Variants in EEF2K observed in about 807,000 individuals in gnomAD.
EEF2K encodes eukaryotic elongation factor 2 kinase.
A neutral mutation model predicts 93.8 loss-of-function variants in EEF2K; 70 were observed. That is an observed-to-expected ratio of 0.75 (90% CI 0.62 to 0.91). The LOEUF (loss-of-function observed/expected upper bound fraction) is 0.91, where lower values mean the gene tolerates loss of function less well. EEF2K is among the 40% of genes least tolerant of loss of function. EEF2K has a pLI of 0.00. For synonymous variants in EEF2K, 376 were observed against 380.8 expected (o/e 0.99, Z 0.15); for missense variants, 935 against 972.9 (o/e 0.96, Z 0.52).
intron 1 of EEF2K, among the ~76,000 whole-genome samples, chr16:22,216,767 G>A (rs935816042): frequency 3.3e-5 from 5 of 152,136 alleles, no homozygotes; most frequent in African/African-American, 9.7e-5. Context: ...ACCTACCAGT[G>A]TAGGGATAGG....
rs2047530734 is a variant in EEF2K, at chr16:22,266,930, G to C, written c.1764+54G>C. 5.2e-6 allele frequency: 8 copies of C among 1,540,516 alleles called. No individual in the cohort carries two copies. In the South Asian group the frequency reaches 9.8e-5, roughly 19 times the overall value. On this transcript the variant is annotated intron_variant, in intron 15 of 17. Transcript: ENST00000263026. ...GGTGGGGGTGGGACTTGGTCACCCTGTGGTTCACCTGCCTCCCATCCTGGA... is the reference window on the plus strand; with the variant it reads ...GGTGGGGGTGGGACTTGGTCACCCTCTGGTTCACCTGCCTCCCATCCTGGA...
At chr16:22,226,742 C>T (rs1451210440) in intron 2 of EEF2K, among the ~76,000 whole-genome samples, 1 of 152,080 alleles carries the variant, frequency 6.6e-6, no homozygotes, top group Non-Finnish European at 1.5e-5. Context: ...CTACCACGCC[C>T]AGCCACTTGT....
chr16:22,273,651 G>T lies in EEF2K; in HGVS notation c.1790G>T (p.Gly597Val). 6.2e-7 allele frequency: 1 copy of T among 1,614,128 alleles called. No individual in the cohort carries two copies. Among genetic ancestry groups the T allele is most frequent in the Admixed American group, 1.7e-5 (1 of 59,998 alleles). ...LKETEENKTKGFDYLLKAAEA... is the reference protein window; with the variant it reads ...LKETEENKTKVFDYLLKAAEA... ...GAGACAGAAGAGAACAAAACCAAAG[G>T]ATTTGATTACTTACTAAAGGCCGCT... The change falls in exon 16 of 18, where the codon GGA (glycine) becomes GTA (valine). Residue 597 changes from glycine to valine, a missense_variant. Transcript: ENST00000263026.
intron 11 of EEF2K, among the ~76,000 whole-genome samples, chr16:22,261,551 A>G (rs1319244409): frequency 1.3e-5 from 2 of 151,766 alleles, no homozygotes; most frequent in East Asian, 1.9e-4. Context: ...TTAGCCGAGT[A>G]TGGTGGCAGT....
At chr16:22,267,613 G>C (rs1360698205) in intron 15 of EEF2K, among the ~76,000 whole-genome samples, 2 of 151,872 alleles carry the variant, frequency 1.3e-5, no homozygotes, top group Non-Finnish European at 2.9e-5. Context: ...AAAAAAATTG[G>C]GGGGGATATC....
At chr16:22,262,383 G>A (rs1300985638) in intron 11 of EEF2K, among the ~76,000 whole-genome samples, 5 of 152,074 alleles carry the variant, frequency 3.3e-5, no homozygotes, top group Admixed American at 2.0e-4. Context: ...GGTGGCAGGC[G>A]CCTGTAGTCC....
intron 1 of EEF2K, among the ~76,000 whole-genome samples, chr16:22,220,736 C>T (rs554156718): frequency 3.7e-4 from 56 of 152,336 alleles, no homozygotes; most frequent in Admixed American, 5.9e-4. Context: ...TGAGCCATCA[C>T]GCCTGGCCCT....
intron 16 of EEF2K, among the ~76,000 whole-genome samples, chr16:22,279,187 A>C (rs1294535490): frequency 6.6e-6 from 1 of 151,624 alleles, no homozygotes; most frequent in Non-Finnish European, 1.5e-5. Flanking sequence ...CATCTATGGG[A>C]AAATTGTTGT....
intron 2 of EEF2K, among the ~76,000 whole-genome samples, 153 bp downstream of exon 2, chr16:22,226,128 G>A (rs1249740828): frequency 6.6e-6 from 1 of 152,050 alleles, no homozygotes; most frequent in African/African-American, 2.4e-5. Context: ...AGCAGGGAGG[G>A]TATTATTGAT....
At chr16:22,259,751 T>G (rs963832403) in intron 10 of EEF2K, among the ~76,000 whole-genome samples, 3 of 152,006 alleles carry the variant, frequency 2.0e-5, no homozygotes, top group Non-Finnish European at 4.4e-5. Context: ...GGTGTTTTTT[T>G]TTTGTTTGTT....
At chr16:22,254,127 C>T (rs1178818166) in intron 6 of EEF2K, among the ~76,000 whole-genome samples, 10 of 150,536 alleles carry the variant, frequency 6.6e-5, no homozygotes, top group South Asian at 2.1e-4. Context: ...GTAGTAGTAA[C>T]AATAATAATA....
chr16:22,273,147 C>T (rs1196872879), intron 15 of EEF2K, among the ~76,000 whole-genome samples: 1 of 152,212 alleles, frequency 6.6e-6, no homozygotes, highest in East Asian at 1.9e-4. Context: ...AGTGGTACAG[C>T]TCCATGACTG....
intron 1 of EEF2K, among the ~76,000 whole-genome samples, chr16:22,221,491 GCAAGAGCGCATTATA>G (rs2047011101): frequency 6.6e-6 from 1 of 151,758 alleles, no homozygotes; most frequent in African/African-American, 2.4e-5. Context: ...AAAAAAAATA[GCAAGAGCGCATTATA>G]CAAAGTAAGG....
Position 22,225,981 on chromosome 16 carries a change from T to G in EEF2K, c.246+6T>G. 6.2e-7 allele frequency: 1 copy of G among 1,613,346 alleles called. No individual in the cohort carries two copies. The highest frequency in any genetic ancestry group is 8.5e-7 in the Non-Finnish European group (1 of 1,179,402). On this transcript the variant is annotated splice_donor_region_variant and intron_variant, in intron 2 of 17. Transcript: ENST00000263026. Reference sequence around the variant, plus strand: ...CAAACTCCTTCCACTTCAAGGTGAGTGAGCCACCTATTCCACCTTCCCCAC... The same window carrying G: ...CAAACTCCTTCCACTTCAAGGTGAGGGAGCCACCTATTCCACCTTCCCCAC...
At chr16:22,234,778 T>C (rs2047150282) in intron 2 of EEF2K, among the ~76,000 whole-genome samples, 1 of 151,738 alleles carries the variant, frequency 6.6e-6, no homozygotes, top group African/African-American at 2.4e-5. Context: ...TTTCTGCCTC[T>C]CTGGACTTGC....
rs1352497733 is a variant in EEF2K at position 22,271,059 on chromosome 16, T to C, written c.1765-2567T>C. Among the ~76,000 whole-genome samples the C allele has an allele frequency of 3.3e-5, 5 of 150,066 alleles. No individual in the cohort carries two copies. In the Admixed American group the frequency reaches 3.4e-4, roughly 10 times the overall value. Reference sequence around the variant, plus strand: ...ATCTTGGCTCACTGCAACCTCCGCCTCCCAGGTTCAAACGATTCTCCTGCC... The same window carrying C: ...ATCTTGGCTCACTGCAACCTCCGCCCCCCAGGTTCAAACGATTCTCCTGCC... On this transcript the variant is annotated intron_variant, in intron 15 of 17. Coordinates refer to ENST00000263026, the MANE Select transcript of EEF2K (RefSeq NM_013302.5).
chr16:22,238,028 G>A (rs765604611), intron 2 of EEF2K, among the ~76,000 whole-genome samples: 23 of 152,122 alleles, frequency 1.5e-4, no homozygotes, highest in Non-Finnish European at 2.8e-4. Context: ...GGTGGCTCAC[G>A]CCTGTAATCT....
At chr16:22,238,667 GAAAAAAAA>G (rs10708756) in intron 2 of EEF2K, among the ~76,000 whole-genome samples, 1 of 93,472 alleles carries the variant, frequency 1.1e-5, no homozygotes, top group Non-Finnish European at 2.2e-5. Flanking sequence ...AAGAAAAAAG[GAAAAAAAA>G]AAAAAAAAAA....
Position 22,244,731 on chromosome 16 carries a change from G to T in EEF2K, c.347+1G>T. 1 of 1,613,838 alleles carries T rather than the reference G, an allele frequency of 6.2e-7. No homozygotes were observed. The highest frequency in any genetic ancestry group is 2.2e-5 in the East Asian group (1 of 44,880). Reference sequence around the variant, plus strand: ...CCACCGAACGTGCTACTCGACACAGGTCAGCAGCTTGTGTGGGGTCTCGAG... The same window carrying T: ...CCACCGAACGTGCTACTCGACACAGTTCAGCAGCTTGTGTGGGGTCTCGAG... On this transcript the variant is annotated splice_donor_variant, in intron 3 of 17. Coordinates refer to ENST00000263026, the MANE Select transcript of EEF2K (RefSeq NM_013302.5). LOFTEE classifies it high-confidence loss of function.
Sources: gnomAD v4.1 joint callset for allele counts (sites outside exome capture counted in the v4.1 genomes callset) on GRCh38, gnomAD v4.1.1 for gene constraint, MANE v1.5 for transcripts, NCBI Gene and HGNC (gene_info 2026-07-23, HGNC 2026-07-21) for gene names.